The following EEFSEC variants were observed in gnomAD, a reference collection of about 807,000 sequenced individuals.
The protein encoded by EEFSEC is selenocysteine-specific elongation factor.
EEFSEC carries 43 observed loss-of-function variants against 42.1 expected under a neutral mutation model. The ratio of observed to expected loss-of-function variants is 1.02; its 90% CI spans 0.80 to 1.32. The LOEUF is 1.32. Among genes scored for constraint, EEFSEC ranks in the 40% most tolerant of loss-of-function variants. EEFSEC has a pLI of 0.00. For synonymous variants in EEFSEC, 354 were observed against 339.1 expected, an observed-to-expected ratio of 1.04 and a Z score of -0.48; for missense variants, 745 against 803.6, an observed-to-expected ratio of 0.93 and a Z score of 0.88.
At chr3:128,262,323 C>T (rs2066307396) in intron 3 of EEFSEC, 99 bp downstream of exon 3, 3 of 1,098,340 alleles carry the variant, frequency 2.7e-6, no homozygotes, top group African/African-American at 1.6e-5. Flanking sequence ...GAGAGGCAGC[C>T]CTAGCAAGAG....
chr3:128,315,711 A>T (rs1455224148), intron 4 of EEFSEC, among the ~76,000 whole-genome samples: 1 of 152,202 alleles, frequency 6.6e-6, no homozygotes, highest in African/African-American at 2.4e-5. Flanking sequence ...CCATTTCTTG[A>T]AAACTGCATA....
At chr3:128,404,734 C>T (rs1018242663) in intron 6 of EEFSEC, among the ~76,000 whole-genome samples, 5 of 152,234 alleles carry the variant, frequency 3.3e-5, no homozygotes, top group African/African-American at 9.6e-5. Context: ...GAGCAGACAC[C>T]GCTCAGGCTC....
intron 1 of EEFSEC, among the ~76,000 whole-genome samples, chr3:128,223,541 A>G (rs953568914): frequency 1.3e-5 from 2 of 152,334 alleles, no homozygotes; most frequent in Admixed American, 1.3e-4. Context: ...TCACTATTGA[A>G]TTATGGTATA....
intron 4 of EEFSEC, among the ~76,000 whole-genome samples, chr3:128,270,249 T>G (rs1329348100): frequency 3.3e-5 from 5 of 152,324 alleles, no homozygotes; most frequent in Middle Eastern, 3.4e-3. Context: ...ATTTTTGTTG[T>G]GGGTTCCGGA....
intron 4 of EEFSEC, among the ~76,000 whole-genome samples, chr3:128,307,752 A>G (rs1040658904): frequency 2.0e-5 from 3 of 152,252 alleles, no homozygotes; most frequent in Non-Finnish European, 4.4e-5. Context: ...GTATCAGTCC[A>G]GCTGCAATAC....
intron 5 of EEFSEC, among the ~76,000 whole-genome samples, chr3:128,354,283 G>A (rs927864057): frequency 2.0e-5 from 3 of 152,160 alleles, no homozygotes; most frequent in Non-Finnish European, 4.4e-5. Flanking sequence ...TTCTGGCCAA[G>A]CCATAAAACA....
intron 4 of EEFSEC, among the ~76,000 whole-genome samples, chr3:128,340,231 T>C: frequency 6.6e-6 from 1 of 152,204 alleles, no homozygotes; most frequent in East Asian, 1.9e-4. Context: ...GTCTGCTTCT[T>C]ATGCTAAGGT....
intron 4 of EEFSEC, among the ~76,000 whole-genome samples, chr3:128,266,305 T>C (rs1576592399): frequency 6.6e-6 from 1 of 152,108 alleles, no homozygotes; most frequent in African/African-American, 2.4e-5. Context: ...AGGGCCATGA[T>C]AGCAGCACCT....
At chr3:128,350,180 C>A (rs1163473662) in intron 5 of EEFSEC, among the ~76,000 whole-genome samples, 1 of 152,260 alleles carries the variant, frequency 6.6e-6, no homozygotes, top group Non-Finnish European at 1.5e-5. Context: ...GGCTCTGCCC[C>A]ACTCCACTGC....
rs559877665 is a variant in EEFSEC, at chr3:128,377,356, C to T, written c.1600+18983C>T. On this transcript the variant is annotated intron_variant, in intron 6 of 6. Coordinates refer to ENST00000254730, the MANE Select transcript of EEFSEC (RefSeq NM_021937.5). ...GCTCCGGGCTCAGACAGAGCTTGGT[C>T]TGAATCCCAGCACCATTACTTACCA... Among the ~76,000 whole-genome samples the T allele has an allele frequency of 3.3e-5, 5 of 152,248 alleles. No homozygotes were observed. In the South Asian group the frequency reaches 1.0e-3, roughly 32 times the overall value.
At chr3:128,332,028 A>G (rs922389027) in intron 4 of EEFSEC, among the ~76,000 whole-genome samples, 1 of 152,198 alleles carries the variant, frequency 6.6e-6, no homozygotes, top group Admixed American at 6.5e-5. Flanking sequence ...ATAAATAGCA[A>G]CTCACATGTC....
intron 1 of EEFSEC, among the ~76,000 whole-genome samples, chr3:128,242,671 A>G (rs1283301711): frequency 1.3e-5 from 2 of 152,182 alleles, no homozygotes; most frequent in Non-Finnish European, 1.5e-5. Flanking sequence ...TAAGTTTTTC[A>G]TTATTTTTGA....
chr3:128,293,913 A>G (rs1354038957), intron 4 of EEFSEC, among the ~76,000 whole-genome samples: 1 of 152,216 alleles, frequency 6.6e-6, no homozygotes, highest in Non-Finnish European at 1.5e-5. Context: ...GGCTTTGTAA[A>G]TGGTAAATAT....
chr3:128,407,735 C>A (rs2068135575), intron 6 of EEFSEC, among the ~76,000 whole-genome samples: 1 of 152,140 alleles, frequency 6.6e-6, no homozygotes, highest in Non-Finnish European at 1.5e-5. Flanking sequence ...CAGGGAGTAC[C>A]CCACCCAGGG....
At chr3:128,169,394 A>G (rs1208290153) in intron 1 of EEFSEC, among the ~76,000 whole-genome samples, 3 of 152,120 alleles carry the variant, frequency 2.0e-5, no homozygotes, top group Admixed American at 6.5e-5. Flanking sequence ...ACAGATGCAT[A>G]TATCTGGACT....
At chr3:128,204,318 A>T (rs928103019) in intron 1 of EEFSEC, among the ~76,000 whole-genome samples, 1 of 152,234 alleles carries the variant, frequency 6.6e-6, no homozygotes, top group Non-Finnish European at 1.5e-5. Context: ...ATGAATTAGT[A>T]TGTAAAGTAC....
At chr3:128,219,073 G>A (rs753807069) in intron 1 of EEFSEC, among the ~76,000 whole-genome samples, 4 of 152,286 alleles carry the variant, frequency 2.6e-5, no homozygotes, top group Non-Finnish European at 4.4e-5. Context: ...AGGAGTGGAC[G>A]TTCTGTGCTG....
chr3:128,340,076 C>T (rs2067233607), intron 4 of EEFSEC, among the ~76,000 whole-genome samples: 7 of 152,114 alleles, frequency 4.6e-5, no homozygotes, highest in Admixed American at 4.6e-4. Context: ...ATATCAGCCT[C>T]CCTCCCTGCT....
chr3:128,251,283 C>T (rs552952641), intron 2 of EEFSEC, among the ~76,000 whole-genome samples: 51 of 152,174 alleles, frequency 3.4e-4, no homozygotes, highest in Non-Finnish European at 5.3e-4. Context: ...AGGTGAACAT[C>T]TCTGTACATC....
Sources: gnomAD v4.1 joint callset for allele counts (sites outside exome capture counted in the v4.1 genomes callset) on GRCh38, gnomAD v4.1.1 for gene constraint, MANE v1.5 for transcripts, NCBI Gene and HGNC (gene_info 2026-07-23, HGNC 2026-07-21) for gene names.